Variants in FARS2 observed in about 807,000 individuals in gnomAD.
The protein encoded by FARS2 is phenylalanyl-tRNA synthetase 2, mitochondrial.
Under a neutral mutation model 46.4 loss-of-function variants are expected in FARS2, and 40 were observed. The ratio of observed to expected loss-of-function variants is 0.86; its 90% confidence interval spans 0.67 to 1.12. The LOEUF (loss-of-function observed/expected upper bound fraction) is 1.12, where lower values mean the gene tolerates loss of function less well. Among genes scored for constraint, FARS2 ranks in the 50% most tolerant of loss-of-function variants. The probability of loss-of-function intolerance (pLI) is 0.00; values close to 1 mark genes in which losing one functional copy is unlikely to be tolerated. For missense variants in FARS2, 513 were observed against 567.9 expected (o/e 0.90, Z 0.98); for synonymous variants, 234 against 214.9 (o/e 1.09, Z -0.78).
At chr6:5,722,348 T>C (rs1470983721) in intron 6 of FARS2, among the ~76,000 whole-genome samples, 2 of 152,338 alleles carry the variant, frequency 1.3e-5, no homozygotes, top group South Asian at 2.1e-4. Flanking sequence ...TCACTAGATA[T>C]ACAGTTTGAC....
At chr6:5,547,391 T>A (rs74359913) in intron 5 of FARS2, among the ~76,000 whole-genome samples, 4,065 of 152,102 alleles carry the variant, frequency 0.027, 191 homozygotes, top group African/African-American at 0.093. Context: ...GTTTTTTTTT[T>A]AATTGTGTTT....
chr6:5,320,925 T>G (rs553950178), intron 1 of FARS2, among the ~76,000 whole-genome samples: 1 of 152,314 alleles, frequency 6.6e-6, no homozygotes, highest in East Asian at 1.9e-4. Context: ...CCCTGGGTCC[T>G]CTGTTATAAG....
intron 6 of FARS2, among the ~76,000 whole-genome samples, chr6:5,649,904 C>T (rs1019137336): frequency 3.3e-5 from 5 of 152,186 alleles, no homozygotes; most frequent in Non-Finnish European, 5.9e-5. Context: ...AAATATCCTT[C>T]TCATTGCCTT....
chr6:5,695,560 C>G (rs1394011729), intron 6 of FARS2, among the ~76,000 whole-genome samples: 1 of 152,194 alleles, frequency 6.6e-6, no homozygotes, highest in Non-Finnish European at 1.5e-5. Flanking sequence ...TTTAAAGGCA[C>G]TTTTATTATC....
chr6:5,333,937 T>C (rs1424787344), intron 1 of FARS2, among the ~76,000 whole-genome samples: 1 of 152,184 alleles, frequency 6.6e-6, no homozygotes, highest in East Asian at 1.9e-4. Context: ...GAATGCCTCC[T>C]CTGGCATCCT....
At chr6:5,300,250 T>C (rs961424472) in intron 1 of FARS2, among the ~76,000 whole-genome samples, 19 of 152,126 alleles carry the variant, frequency 1.2e-4, no homozygotes, top group African/African-American at 4.1e-4. Flanking sequence ...TTTTTTGATA[T>C]AGGTAGAACA....
chr6:5,415,017 C>T (rs1292951192), intron 3 of FARS2, among the ~76,000 whole-genome samples: 2 of 151,732 alleles, frequency 1.3e-5, no homozygotes. Context: ...CCGGGTTTCA[C>T]CAACTTGGCC....
chr6:5,706,088 C>T (rs1582803303), intron 6 of FARS2, among the ~76,000 whole-genome samples: 3 of 152,180 alleles, frequency 2.0e-5, no homozygotes, highest in African/African-American at 7.2e-5. Context: ...CAGGATGAAA[C>T]TGCTCCACCT....
chr6:5,271,626 G>A (rs963239114), intron 1 of FARS2, among the ~76,000 whole-genome samples: 3 of 132,382 alleles, frequency 2.3e-5, no homozygotes, highest in African/African-American at 5.9e-5. Context: ...GCAGTGGCAC[G>A]ATCTTGGCTC....
chr6:5,539,693 T>A (rs1311582550), intron 4 of FARS2, among the ~76,000 whole-genome samples: 1 of 152,194 alleles, frequency 6.6e-6, no homozygotes, highest in Non-Finnish European at 1.5e-5. Context: ...ATGTGATTAA[T>A]GACTTTAATT....
At chr6:5,657,845 C>A (rs1039150702) in intron 6 of FARS2, among the ~76,000 whole-genome samples, 2 of 152,146 alleles carry the variant, frequency 1.3e-5, no homozygotes, top group African/African-American at 4.8e-5. Context: ...GGCTCGCAGG[C>A]AGATTGCCTA....
At chr6:5,606,729 A>G (rs1040796265) in intron 5 of FARS2, among the ~76,000 whole-genome samples, 1 of 152,150 alleles carries the variant, frequency 6.6e-6, no homozygotes, top group African/African-American at 2.4e-5. Context: ...CTAGTCCCCC[A>G]GTTCAATAGC....
At chr6:5,491,108 C>T (rs928558095) in intron 4 of FARS2, among the ~76,000 whole-genome samples, 1 of 152,122 alleles carries the variant, frequency 6.6e-6, no homozygotes, top group African/African-American at 2.4e-5. Flanking sequence ...ATTGTTGGTT[C>T]TCTTTAGCGA....
rs1322157386 is a variant in FARS2, at chr6:5,754,088, ACTG to A, written c.1218-17200_1218-17198del. ...GCTTGTAATACTGATAATTATAGTA[ACTG>A]CTATCTTTTATTGAGTATTTATTTT... is the stretch of plus-strand genomic sequence containing the variant. On this transcript the variant is annotated intron_variant, in intron 6 of 6. Coordinates refer to ENST00000274680, the MANE Select transcript of FARS2 (RefSeq NM_006567.5). 5.3e-5 allele frequency among the ~76,000 whole-genome samples: 8 copies of A among 152,346 alleles called. No homozygotes were observed. In the East Asian group the frequency reaches 1.5e-3, roughly 29 times the overall value.
chr6:5,660,763 G>A (rs1215050014), intron 6 of FARS2, among the ~76,000 whole-genome samples: 1 of 152,154 alleles, frequency 6.6e-6, no homozygotes, highest in East Asian at 1.9e-4. Flanking sequence ...AAGCTCCCTG[G>A]CAGGAAAAGA....
chr6:5,284,058 T>C (rs1766944482), intron 1 of FARS2, among the ~76,000 whole-genome samples: 1 of 152,234 alleles, frequency 6.6e-6, no homozygotes, highest in Non-Finnish European at 1.5e-5. Context: ...TTACTGATAG[T>C]GTTATCAAAC....
intron 4 of FARS2, among the ~76,000 whole-genome samples, chr6:5,493,427 G>A (rs969910532): frequency 1.3e-5 from 2 of 152,168 alleles, no homozygotes; most frequent in Non-Finnish European, 2.9e-5. Context: ...AATGAAAGAA[G>A]GGTCTGACAA....
chr6:5,260,849 CT>C (rs1168590709), upstream of FARS2: 7 of 1,498,228 alleles, frequency 4.7e-6, no homozygotes, highest in East Asian at 1.2e-4. Flanking sequence ...TGCGGCTCGG[CT>C]TTGCCAGCGG....
intron 5 of FARS2, among the ~76,000 whole-genome samples, chr6:5,552,035 G>A (rs2150516884): frequency 6.6e-6 from 1 of 152,066 alleles, no homozygotes; most frequent in African/African-American, 2.4e-5. Flanking sequence ...TGTGGAAGGG[G>A]GCTATTATTT....
Sources: allele counts gnomAD v4.1 joint callset (sites outside exome capture counted in the v4.1 genomes callset), GRCh38; gene constraint gnomAD v4.1.1; transcripts MANE v1.5; gene names NCBI Gene and HGNC (gene_info 2026-07-23, HGNC 2026-07-21).